Variants in AP4E1 observed in about 807,000 individuals in gnomAD.
The protein encoded by AP4E1 is AP-4 complex subunit epsilon-1.
Under a neutral mutation model 128.2 loss-of-function variants are expected in AP4E1, and 56 were observed. The ratio of observed to expected loss-of-function variants is 0.44; its 90% CI spans 0.35 to 0.55. AP4E1 has a LOEUF of 0.55. AP4E1 is among the 20% of genes least tolerant of loss of function. The pLI, the probability that AP4E1 is intolerant of heterozygous loss-of-function variation, is 0.00. For synonymous variants in AP4E1, 484 were observed against 473.1 expected, an observed-to-expected ratio of 1.02 and a Z score of -0.30; for missense variants, 1,324 against 1,307.7, an observed-to-expected ratio of 1.01 and a Z score of -0.19.
At chr15:50,930,678 A>G (rs936094160) in intron 6 of AP4E1, 127 bp from the exon 7 acceptor site, 2 of 924,006 alleles carry the variant, frequency 2.2e-6, no homozygotes, top group Admixed American at 2.1e-5. Flanking sequence ...ATATTAGAGC[A>G]CTGTTTCATT....
rs145883411 is a variant in AP4E1, at chr15:50,953,664, C to T, written c.1548+3495C>T. 2.2e-3 allele frequency among the ~76,000 whole-genome samples: 339 copies of T among 152,242 alleles called. 1 individual carries two copies. The highest frequency in any genetic ancestry group is 4.2e-3 in the Non-Finnish European group (284 of 68,030). On this transcript the variant is annotated intron_variant, in intron 13 of 20. Coordinates refer to ENST00000261842, the MANE Select transcript of AP4E1 (RefSeq NM_007347.5). ...CTTTATTTACTTAATCATGGCCCCA[C>T]AGCACAAGAGTTGCGATGCTGGCAA...
intron 17 of AP4E1, among the ~76,000 whole-genome samples, chr15:50,996,071 C>T (rs1315094284): frequency 1.4e-5 from 2 of 147,436 alleles, no homozygotes; most frequent in Non-Finnish European, 3.0e-5. Flanking sequence ...TTACTGCAAC[C>T]TCTGCCTCCC....
At chr15:50,951,699 G>A (rs894893570) in intron 13 of AP4E1, among the ~76,000 whole-genome samples, 2 of 145,406 alleles carry the variant, frequency 1.4e-5, no homozygotes, top group East Asian at 2.0e-4. Context: ...TATACTTTTA[G>A]TTTAGTTTTT....
At chr15:50,991,889 T>C (rs907163035) in intron 16 of AP4E1, among the ~76,000 whole-genome samples, 2 of 151,534 alleles carry the variant, frequency 1.3e-5, no homozygotes, top group Non-Finnish European at 2.9e-5. Flanking sequence ...GTAGTAGAAA[T>C]GATTTTTTAA....
At chr15:50,922,669 A>G (rs1191847407) in intron 3 of AP4E1, among the ~76,000 whole-genome samples, 1 of 152,156 alleles carries the variant, frequency 6.6e-6, no homozygotes, top group Non-Finnish European at 1.5e-5. Flanking sequence ...CTATGTGGAG[A>G]GGCAGTAAAA....
In AP4E1 at chr15:50,950,043, C is replaced by G; in HGVS notation, c.1430-8C>G. On this transcript the variant is annotated splice_polypyrimidine_tract_variant and splice_region_variant and intron_variant, in intron 12 of 20. Coordinates refer to ENST00000261842, the MANE Select transcript of AP4E1 (RefSeq NM_007347.5). ...GGAAATTAAAATGGTGTATCAATTTCTTTGTAGGTTTTGATGATGAAACAG... is the reference window on the plus strand; with the variant it reads ...GGAAATTAAAATGGTGTATCAATTTGTTTGTAGGTTTTGATGATGAAACAG... 1.2e-6 allele frequency: 2 copies of G among 1,607,324 alleles called. No individual in the cohort carries two copies. The highest frequency in any genetic ancestry group is 1.7e-6 in the Non-Finnish European group (2 of 1,174,154).
rs763214496 is a variant in AP4E1 at position 51,001,063 on chromosome 15, T to C, written c.3133T>C (p.Trp1045Arg). ...CTCAAGTGACGACTTTGGGAAACTC[T>C]GGTTATCCTTCGCAAATGATGTGAA... The part of the protein sequence containing the change: ...KISSDDFGKL[W>R]LSFANDVKQN... The change falls in exon 20 of 21, where the codon TGG becomes CGG. Residue 1045 changes from tryptophan to arginine, a missense_variant. By Grantham distance (101) the Trp-to-Arg change is moderately radical. Coordinates refer to ENST00000261842, the MANE Select transcript of AP4E1 (RefSeq NM_007347.5). 3.1e-6 allele frequency: 5 copies of C among 1,613,432 alleles called. No individual in the cohort carries two copies. The highest frequency in any genetic ancestry group is 1.3e-5 in the African/African-American group (1 of 75,040).
At chr15:50,994,619 G>T (rs1173769615) in intron 17 of AP4E1, among the ~76,000 whole-genome samples, 3 of 152,166 alleles carry the variant, frequency 2.0e-5, no homozygotes, top group Non-Finnish European at 4.4e-5. Flanking sequence ...TTGCAGATCA[G>T]CAGTAAAGTG....
At chr15:50,949,982 T>C (rs1266668833) in intron 12 of AP4E1, 44 bp downstream of exon 12, 1 of 1,588,252 alleles carries the variant, frequency 6.3e-7, no homozygotes, top group East Asian at 2.2e-5. Flanking sequence ...TTTTAAAGTT[T>C]AATGTTTTTA....
chr15:50,965,375 G>C (rs2064378283), intron 14 of AP4E1, among the ~76,000 whole-genome samples: 1 of 152,200 alleles, frequency 6.6e-6, no homozygotes, highest in Admixed American at 6.5e-5. Context: ...CCTGGCAGTG[G>C]CAGGATTGGG....
intron 15 of AP4E1, among the ~76,000 whole-genome samples, chr15:50,977,800 C>T (rs1042876671): frequency 1.4e-5 from 2 of 147,422 alleles, no homozygotes; most frequent in Admixed American, 6.8e-5. Flanking sequence ...ACCTCCACTT[C>T]TCGGGTTCAA....
intron 3 of AP4E1, among the ~76,000 whole-genome samples, chr15:50,919,855 T>A (rs967581436): frequency 1.3e-5 from 2 of 151,878 alleles, no homozygotes; most frequent in African/African-American, 4.8e-5. Flanking sequence ...GGTGGGCAGA[T>A]CACTTGAAGT....
chr15:50,931,050 A>G, intron 7 of AP4E1, 79 bp downstream of exon 7: 10 of 1,505,054 alleles, frequency 6.6e-6, no homozygotes, highest in Non-Finnish European at 9.2e-6. Context: ...TAGAGGTTTA[A>G]TGATAAACCA....
chr15:51,005,514 G>A lies in AP4E1; in HGVS notation c.*2852G>A, dbSNP rs2065008390. ...GATGGAAGCTGAGCAGTTACCAACT[G>A]CTAATGTGCCAAGTATACCAAGCAC... is the stretch of plus-strand genomic sequence containing the variant. On this transcript the variant is annotated 3_prime_UTR_variant, in exon 21 of 21. Coordinates refer to ENST00000261842, the MANE Select transcript of AP4E1 (RefSeq NM_007347.5). 6.6e-6 allele frequency: 1 copy of A among 152,600 alleles called. No individual in the cohort carries two copies. Among genetic ancestry groups the A allele is most frequent in the Non-Finnish European group, 1.5e-5 (1 of 68,040 alleles). 9.5% of individuals were successfully genotyped at this position (152,600 alleles called of 1,614,324 possible).
At chr15:50,931,062 A>C in intron 7 of AP4E1, 91 bp downstream of exon 7, 1 of 1,447,488 alleles carries the variant, frequency 6.9e-7, no homozygotes, top group Non-Finnish European at 9.7e-7. Context: ...GATAAACCAG[A>C]TTCTTCCAAT....
At chr15:50,958,413 G>C in intron 13 of AP4E1, 79 bp from the exon 14 acceptor site, 1 of 1,190,478 alleles carries the variant, frequency 8.4e-7, no homozygotes, top group Non-Finnish European at 1.2e-6. Context: ...TCTAGCAGTA[G>C]GTACTTTGTT....
intron 15 of AP4E1, among the ~76,000 whole-genome samples, chr15:50,975,430 G>A (rs1208751655): frequency 5.3e-5 from 8 of 152,116 alleles, no homozygotes; most frequent in Admixed American, 5.2e-4. Flanking sequence ...ACAGTTTTGG[G>A]TCTTACAGTT....
upstream of AP4E1, chr15:50,908,484 CAGG>C (rs1231558903): frequency 9.2e-6 from 3 of 324,534 alleles, no homozygotes; most frequent in Non-Finnish European, 1.7e-5. Flanking sequence ...ACGGCTTCCT[CAGG>C]AGGACTCACG....
intron 4 of AP4E1, 69 bp downstream of exon 4, chr15:50,924,073 A>G: frequency 4.7e-6 from 6 of 1,281,198 alleles, no homozygotes; most frequent in African/African-American, 1.5e-5. Context: ...CTCCTCGATC[A>G]TATTCAACTA....
Sources: allele counts gnomAD v4.1 joint callset (sites outside exome capture counted in the v4.1 genomes callset), GRCh38; gene constraint gnomAD v4.1.1; transcripts MANE v1.5; gene names NCBI Gene and HGNC (gene_info 2026-07-23, HGNC 2026-07-21).